NET1: variants seen among roughly 807,000 people sequenced by gnomAD.
The protein encoded by NET1 is neuroepithelial cell-transforming gene 1 protein.
In NET1, 42 loss-of-function variants were observed where a neutral mutation model predicts 61.1. The ratio of observed to expected loss-of-function variants is 0.69; its 90% CI spans 0.54 to 0.89. The LOEUF is 0.89. Ranked by LOEUF, NET1 falls within the 40% of genes least tolerant of loss-of-function variation. The pLI, the probability that NET1 is intolerant of heterozygous loss-of-function variation, is 0.00. For missense variants in NET1, 654 were observed against 747.3 expected, an observed-to-expected ratio of 0.88 and a Z score of 1.46; for synonymous variants, 254 against 281.8, an observed-to-expected ratio of 0.90 and a Z score of 0.99.
Position 5,456,442 on chromosome 10 carries a change from GAAAT to G in NET1, c.1385-143_1385-140del. The G allele has an allele frequency of 9.6e-7, 1 of 1,045,032 alleles. No homozygotes were observed. Among genetic ancestry groups the G allele is most frequent in the African/African-American group, 1.6e-5 (1 of 61,988 alleles). The allele number at this position is 1,045,032 out of a possible 1,614,324, so 64.7% of individuals were successfully genotyped here. On this transcript the variant is annotated intron_variant, in intron 11 of 11. Coordinates refer to ENST00000355029, the MANE Select transcript of NET1 (RefSeq NM_001047160.3). The surrounding 1 kb of genome is among the most constrained non-coding windows in gnomAD (Gnocchi z 7.0). ...CTCGAACACCCGCAGGTGTATCTAA[GAAAT>G]AATGCATAGGCTTAATGTATTCACA...
rs148221068 is a variant in NET1 at position 5,454,661 on chromosome 10, G to A, written c.1026+139G>A. The A allele has an allele frequency of 1.5e-3, 1,512 of 1,004,040 alleles. 20 individuals carry two copies. The African/African-American group carries it at 0.022, about 14-fold the overall frequency. 62.2% of individuals were successfully genotyped at this position (1,004,040 alleles called of 1,614,324 possible). A position where few individuals can be genotyped will look rare whatever the true frequency, so the allele number is the denominator to read the frequency against. Reference sequence around the variant, plus strand: ...TTTTAAGTACCCAGTGCGTTAGTACGCTGTGCACTAAGCAATAAGGAGCTG... The same window carrying A: ...TTTTAAGTACCCAGTGCGTTAGTACACTGTGCACTAAGCAATAAGGAGCTG... On this transcript the variant is annotated intron_variant, in intron 9 of 11. Coordinates refer to ENST00000355029, the MANE Select transcript of NET1 (RefSeq NM_001047160.3). This position sits in a 1 kb window ranked among gnomAD's most constrained non-coding sequence, Gnocchi z 8.1.
At position 5,453,118 on chromosome 10, in the gene NET1, C is replaced by T; in HGVS notation, c.595-132C>T. 1.4e-6 allele frequency: 1 copy of T among 739,058 alleles called. No individual in the cohort carries two copies. The highest frequency in any genetic ancestry group is 2.4e-6 in the Non-Finnish European group (1 of 419,662). 45.8% of individuals were successfully genotyped at this position (739,058 alleles called of 1,614,324 possible). On this transcript the variant is annotated intron_variant, in intron 6 of 11. Coordinates refer to ENST00000355029, the MANE Select transcript of NET1 (RefSeq NM_001047160.3). The surrounding 1 kb of genome is among the most constrained non-coding windows in gnomAD (Gnocchi z 4.9). ...GAGTTTATTTGGGGATTAATACATA[C>T]TAATTTATTTTATGTGTAGCAAACA...
chr10:5,445,464 A>G (rs1564465410), intron 3 of NET1, among the ~76,000 whole-genome samples: 1 of 151,350 alleles, frequency 6.6e-6, no homozygotes, highest in East Asian at 1.9e-4. Context: ...TATGAAGCCT[A>G]TTTTTTTTTA....
rs748905401 is a variant in NET1, at chr10:5,456,830, A to G, written c.1627A>G (p.Ser543Gly). ...TAQRRASTVS[S>G]VTQVEVDENA... ...CCAGAGGAGGGCATCCACAGTTTCC[A>G]GTGTTACTCAGGTAGAAGTTGATGA... is the stretch of plus-strand genomic sequence containing the variant. Residue 543 changes from serine to glycine, a missense_variant, in exon 12 of 12, where the codon AGT (serine) becomes GGT (glycine). Transcript: ENST00000355029. This position sits in a 1 kb window ranked among gnomAD's most constrained non-coding sequence, Gnocchi z 7.0. 2.5e-6 allele frequency: 4 copies of G among 1,613,882 alleles called. No homozygotes were observed. Among genetic ancestry groups the G allele is most frequent in the Non-Finnish European group, 3.4e-6 (4 of 1,179,972 alleles).
rs1042011307 is a variant in NET1, at chr10:5,412,598, A to G, written c.-95A>G. ...GCGGTGGCGGCTGCAGTCCGCTGACAGGCGCTTTCTGCCTGGCAGAGGCTG... is the reference window on the plus strand; with the variant it reads ...GCGGTGGCGGCTGCAGTCCGCTGACGGGCGCTTTCTGCCTGGCAGAGGCTG... On this transcript the variant is annotated 5_prime_UTR_variant, in exon 1 of 12. Transcript: ENST00000355029. This position sits in a 1 kb window ranked among gnomAD's most constrained non-coding sequence, Gnocchi z 6.5. The G allele has an allele frequency of 2.1e-5, 28 of 1,330,220 alleles. 1 individual carries two copies. The African/African-American group carries it at 3.7e-4, about 18-fold the overall frequency. The allele number at this position is 1,330,220 out of a possible 1,614,324, so 82.4% of individuals were successfully genotyped here.
In NET1 at chr10:5,455,849, A is replaced by G. The variant is rs1328510823; in HGVS notation, c.1198-238A>G. 6.6e-6 allele frequency among the ~76,000 whole-genome samples: 1 copy of G among 152,238 alleles called. No homozygotes were observed. Among genetic ancestry groups the G allele is most frequent in the Non-Finnish European group, 1.5e-5 (1 of 68,040 alleles). ...AGAGCATTCACTTAGCTGCTGCTTA[A>G]TCTGATATTACATACCAATAAGAAA... On this transcript the variant is annotated intron_variant, in intron 10 of 11. Coordinates refer to ENST00000355029, the MANE Select transcript of NET1 (RefSeq NM_001047160.3). This position sits in a 1 kb window ranked among gnomAD's most constrained non-coding sequence, Gnocchi z 6.5.
At position 5,452,628 on chromosome 10, in the gene NET1, C is replaced by T; in HGVS notation, c.531+103C>T. The stretch of plus-strand genomic sequence containing the variant: ...TGTGTTTGAGCAACAATTCCTAATA[C>T]ATGGTGAACAAAACCTAATGATGGA... On this transcript the variant is annotated intron_variant, in intron 5 of 11. Transcript: ENST00000355029. The surrounding 1 kb of genome is among the most constrained non-coding windows in gnomAD (Gnocchi z 4.0). 1 of 1,229,136 alleles carries T rather than the reference C, an allele frequency of 8.1e-7. No individual in the cohort carries two copies. Among genetic ancestry groups the T allele is most frequent in the Non-Finnish European group, 1.1e-6 (1 of 879,786 alleles). 76.1% of individuals were successfully genotyped at this position (1,229,136 alleles called of 1,614,324 possible).
At position 5,458,097 on chromosome 10, in the gene NET1, A is replaced by G. The variant is rs1004771179; in HGVS notation, c.*1103A>G. ...AGTAAGTTGTAGAAGGCTCGAGGGGACGTGGACTTATTTGCCTTGGTTTGC... is the reference window on the plus strand; with the variant it reads ...AGTAAGTTGTAGAAGGCTCGAGGGGGCGTGGACTTATTTGCCTTGGTTTGC... On this transcript the variant is annotated 3_prime_UTR_variant, in exon 12 of 12. Coordinates refer to ENST00000355029, the MANE Select transcript of NET1 (RefSeq NM_001047160.3). The surrounding 1 kb of genome is among the most constrained non-coding windows in gnomAD (Gnocchi z 4.5). 1 of 152,166 alleles carries G rather than the reference A, an allele frequency of 6.6e-6. No individual in the cohort carries two copies. 9.4% of individuals were successfully genotyped at this position (152,166 alleles called of 1,614,324 possible).
chr10:5,423,248 C>T lies in NET1; in HGVS notation c.129-3407C>T, dbSNP rs960910071. 6.6e-6 allele frequency among the ~76,000 whole-genome samples: 1 copy of T among 151,978 alleles called. No individual in the cohort carries two copies. The highest frequency in any genetic ancestry group is 1.5e-5 in the Non-Finnish European group (1 of 67,980). On this transcript the variant is annotated intron_variant, in intron 1 of 11. Coordinates refer to ENST00000355029, the MANE Select transcript of NET1 (RefSeq NM_001047160.3). This position sits in a 1 kb window ranked among gnomAD's most constrained non-coding sequence, Gnocchi z 4.4. ...CTGTTGGTAATAGTAATTTTCAATA[C>T]GTTTTTTGAAAATATTTATAATTTC...
Position 5,423,596 on chromosome 10 carries a change from T to C in NET1, c.129-3059T>C, listed in dbSNP as rs769063884. On this transcript the variant is annotated intron_variant, in intron 1 of 11. Coordinates refer to ENST00000355029, the MANE Select transcript of NET1 (RefSeq NM_001047160.3). This position sits in a 1 kb window ranked among gnomAD's most constrained non-coding sequence, Gnocchi z 4.4. Reference sequence around the variant, plus strand: ...TAAATGTTGTAATTATTTGGATATATAGAAAAATACATTGGATATATGGAC... The same window carrying C: ...TAAATGTTGTAATTATTTGGATATACAGAAAAATACATTGGATATATGGAC... Among the ~76,000 whole-genome samples, 3 of 152,216 alleles carry C rather than the reference T, an allele frequency of 2.0e-5. No homozygotes were observed. The highest frequency in any genetic ancestry group is 4.4e-5 in the Non-Finnish European group (3 of 68,016).
Position 5,426,549 on chromosome 10 carries a change from C to T in NET1, c.129-106C>T. The T allele has an allele frequency of 2.5e-6, 2 of 799,266 alleles. No individual in the cohort carries two copies. Among genetic ancestry groups the T allele is most frequent in the African/African-American group, 1.8e-5 (1 of 56,546 alleles). 49.5% of individuals were successfully genotyped at this position (799,266 alleles called of 1,614,324 possible). A position where few individuals can be genotyped will look rare whatever the true frequency, so the allele number is the denominator to read the frequency against. ...TAAGATTGAATGACAAATCAGGCCA[C>T]TTTAAACGGTTTTGAAAGTATGAAA... On this transcript the variant is annotated intron_variant, in intron 1 of 11. Coordinates refer to ENST00000355029, the MANE Select transcript of NET1 (RefSeq NM_001047160.3). This position sits in a 1 kb window ranked among gnomAD's most constrained non-coding sequence, Gnocchi z 4.6.
Position 5,427,000 on chromosome 10 carries a change from T to C in NET1, c.195+279T>C, listed in dbSNP as rs2119175339. Among the ~76,000 whole-genome samples the C allele has an allele frequency of 6.6e-6, 1 of 152,298 alleles. No homozygotes were observed. Among genetic ancestry groups the C allele is most frequent in the Admixed American group, 6.5e-5 (1 of 15,304 alleles). ...CTCTTATTCCTTTCAATGTTAAATC[T>C]GATAATATATTATGAAACATGAAAT... On this transcript the variant is annotated intron_variant, in intron 2 of 11. Coordinates refer to ENST00000355029, the MANE Select transcript of NET1 (RefSeq NM_001047160.3). The surrounding 1 kb of genome is among the most constrained non-coding windows in gnomAD (Gnocchi z 4.6).
At chr10:5,419,736 T>TTG (rs1236946857) in intron 1 of NET1, among the ~76,000 whole-genome samples, 31 of 90,828 alleles carry the variant, frequency 3.4e-4, no homozygotes, top group African/African-American at 9.5e-4. Context: ...TGTTGTTGTT[T>TTG]TTATGGGAAT....
rs1221573655 is a variant in NET1, at chr10:5,431,204, T to G, written c.255+1975T>G. Among the ~76,000 whole-genome samples, 1 of 152,250 alleles carries G rather than the reference T, an allele frequency of 6.6e-6. No individual in the cohort carries two copies. The highest frequency in any genetic ancestry group is 2.4e-5 in the African/African-American group (1 of 41,462). ...ATCTCTTAAGTCTCTTTTAGTTCAT[T>G]GGTTTCCCCTCTAACTATTTTCTTG... On this transcript the variant is annotated intron_variant, in intron 3 of 11. Coordinates refer to ENST00000355029, the MANE Select transcript of NET1 (RefSeq NM_001047160.3). The surrounding 1 kb of genome is among the most constrained non-coding windows in gnomAD (Gnocchi z 4.9).
Position 5,433,535 on chromosome 10 carries a change from T to C in NET1, c.255+4306T>C, listed in dbSNP as rs75966026. On this transcript the variant is annotated intron_variant, in intron 3 of 11. Transcript: ENST00000355029. ...ATTCCCCAAGTACTTGCATGTTGCA[T>C]GTTCTTTTCAGTTTGTTTGCAACCT... Among the ~76,000 whole-genome samples the C allele has an allele frequency of 6.0e-3, 918 of 152,324 alleles. 7 individuals are homozygous for C. The highest frequency in any genetic ancestry group is 0.021 in the African/African-American group (875 of 41,566).
chr10:5,453,008 G>A lies in NET1; in HGVS notation c.594+88G>A. The A allele has an allele frequency of 1.0e-6, 1 of 974,534 alleles. No homozygotes were observed. 60.4% of individuals were successfully genotyped at this position (974,534 alleles called of 1,614,324 possible). A position where few individuals can be genotyped will look rare whatever the true frequency, so the allele number is the denominator to read the frequency against. On this transcript the variant is annotated intron_variant, in intron 6 of 11. Coordinates refer to ENST00000355029, the MANE Select transcript of NET1 (RefSeq NM_001047160.3). This position sits in a 1 kb window ranked among gnomAD's most constrained non-coding sequence, Gnocchi z 4.9. ...AGGATAGTTTTCTTAACCTTTAGAA[G>A]TAGAAGAATAGAAAATATCTACTGG...
At chr10:5,442,239 C>T (rs1337205651) in intron 3 of NET1, among the ~76,000 whole-genome samples, 1 of 152,134 alleles carries the variant, frequency 6.6e-6, no homozygotes, top group East Asian at 1.9e-4. Flanking sequence ...TTGCATTTCA[C>T]AATATCTCGT....
chr10:5,447,753 G>T lies in NET1; in HGVS notation c.256-4077G>T, dbSNP rs1455837674. Among the ~76,000 whole-genome samples, 1 of 152,198 alleles carries T rather than the reference G, an allele frequency of 6.6e-6. No individual in the cohort carries two copies. The highest frequency in any genetic ancestry group is 1.5e-5 in the Non-Finnish European group (1 of 68,024). ...TCTTCAGGAAGTACACTTTTATTTGGTGTGGTTTGGCTTTGGTTTTTGTTC... is the reference window on the plus strand; with the variant it reads ...TCTTCAGGAAGTACACTTTTATTTGTTGTGGTTTGGCTTTGGTTTTTGTTC... On this transcript the variant is annotated intron_variant, in intron 3 of 11. Transcript: ENST00000355029. The surrounding 1 kb of genome is among the most constrained non-coding windows in gnomAD (Gnocchi z 4.1).
In NET1 at chr10:5,441,054, C is replaced by T. The variant is rs140147664; in HGVS notation, c.256-10776C>T. Among the ~76,000 whole-genome samples, 9 of 152,254 alleles carry T rather than the reference C, an allele frequency of 5.9e-5. No individual in the cohort carries two copies. Among genetic ancestry groups the T allele is most frequent in the East Asian group, 3.9e-4 (2 of 5,176 alleles). On this transcript the variant is annotated intron_variant, in intron 3 of 11. Coordinates refer to ENST00000355029, the MANE Select transcript of NET1 (RefSeq NM_001047160.3). The surrounding 1 kb of genome is among the most constrained non-coding windows in gnomAD (Gnocchi z 4.6). The stretch of plus-strand genomic sequence containing the variant: ...CTGGAGAAGTGAAAGAGAGGAGGCC[C>T]GTGCAGTGTCTAATTAAGCTGTCAC...
Sources: gnomAD v4.1 joint callset for allele counts (sites outside exome capture counted in the v4.1 genomes callset) on GRCh38, gnomAD v4.1.1 for gene constraint, Gnocchi (gnomAD v3.1) non-coding constraint, MANE v1.5 for transcripts, NCBI Gene and HGNC (gene_info 2026-07-23, HGNC 2026-07-21) for gene names.